Variants in RGPD2 observed in about 807,000 individuals in gnomAD.
The protein encoded by RGPD2 is RANBP2-like and GRIP domain-containing protein 2.
A neutral mutation model predicts 36.0 loss-of-function variants in RGPD2; 2 were observed. The observed-to-expected ratio is 0.06, with a 90% CI of 0.02 to 0.17. RGPD2 has a LOEUF of 0.17. Ranked by LOEUF, RGPD2 falls within the 10% of genes least tolerant of loss-of-function variation. The pLI is 1.00. For synonymous variants in RGPD2, 19 were observed against 163.8 expected (o/e 0.12, Z 6.75); for missense variants, 40 against 464.3 (o/e 0.09, Z 8.40).
the RGPD2 span, among the ~76,000 whole-genome samples, chr2:87,867,678 A>G: frequency 2.6e-5 from 4 of 152,114 alleles, no homozygotes; most frequent in South Asian, 8.3e-4. Context: ...GTGTGAATAT[A>G]AGGCCAAGCT....
the RGPD2 span, among the ~76,000 whole-genome samples, chr2:87,976,266 G>A: frequency 2.0e-5 from 3 of 151,908 alleles, no homozygotes; most frequent in East Asian, 1.9e-4. Context: ...CTGAGAAAAG[G>A]CATCTGCAAT....
At chr2:87,948,341 C>T in the RGPD2 span, among the ~76,000 whole-genome samples, 2 of 150,290 alleles carry the variant, frequency 1.3e-5, no homozygotes, top group Non-Finnish European at 3.0e-5. Flanking sequence ...CCATCATCAT[C>T]GTTATTGATA....
chr2:87,852,781 T>C, the RGPD2 span, among the ~76,000 whole-genome samples: 1 of 152,300 alleles, frequency 6.6e-6, no homozygotes, highest in Non-Finnish European at 1.5e-5. Context: ...CACCTTATTA[T>C]GGGCGTTTTC....
chr2:87,870,660 T>C, the RGPD2 span, among the ~76,000 whole-genome samples: 2 of 152,194 alleles, frequency 1.3e-5, no homozygotes, highest in East Asian at 1.9e-4. Context: ...CTTGTTCTTG[T>C]TTTCCTTTGC....
the RGPD2 span, among the ~76,000 whole-genome samples, chr2:87,988,569 C>A: frequency 2.4e-5 from 2 of 84,284 alleles, no homozygotes; most frequent in Admixed American, 1.4e-4. Context: ...GAGACTGAGT[C>A]TCACTCTATC....
At chr2:87,886,961 C>A in the RGPD2 span, among the ~76,000 whole-genome samples, 1 of 151,270 alleles carries the variant, frequency 6.6e-6, no homozygotes, top group African/African-American at 2.4e-5. Context: ...ATGATTGACC[C>A]GAGAGCTTGT....
At chr2:87,871,768 G>A in the RGPD2 span, among the ~76,000 whole-genome samples, 5,240 of 102,316 alleles carry the variant, frequency 0.051, no homozygotes, top group Non-Finnish European at 0.077. Context: ...GGGAGGCTGA[G>A]GCAGGAGAAT....
At chr2:87,988,174 G>A in the RGPD2 span, among the ~76,000 whole-genome samples, 43 of 140,004 alleles carry the variant, frequency 3.1e-4, no homozygotes, top group Middle Eastern at 3.7e-3. Flanking sequence ...CTTAACCTAC[G>A]TTTGTTGGCA....
At chr2:87,876,150 C>A in the RGPD2 span, among the ~76,000 whole-genome samples, 2 of 149,482 alleles carry the variant, frequency 1.3e-5, no homozygotes, top group African/African-American at 4.9e-5. Flanking sequence ...TTTTATTTCT[C>A]TTAAAAAAAC....
chr2:87,964,409 C>G, the RGPD2 span, among the ~76,000 whole-genome samples: 3 of 151,800 alleles, frequency 2.0e-5, no homozygotes, highest in Non-Finnish European at 4.4e-5. Flanking sequence ...TTACTAGGTA[C>G]AACATGATGT....
chr2:87,972,958 A>G, the RGPD2 span: 1 of 1,614,018 alleles, frequency 6.2e-7, no homozygotes, highest in South Asian at 1.1e-5. Flanking sequence ...ATCATGGGGC[A>G]TGCCATGGGG....
In RGPD2 at chr2:87,809,768, G is replaced by A. The variant is rs1205096959; in HGVS notation, c.779+1717C>T. Among the ~76,000 whole-genome samples, 26 of 151,534 alleles carry A rather than the reference G, an allele frequency of 1.7e-4. No homozygotes were observed. In the Middle Eastern group the frequency reaches 0.01, roughly 59 times the overall value. ...CCCCCAAGTCACCCCCTCATGGTCC[G>A]GATTCTCCCCTGAGTGACTCCATCC... On this transcript the variant is annotated intron_variant, in intron 6 of 22. Transcript: ENST00000398146.
chr2:87,842,413 A>G, the RGPD2 span, among the ~76,000 whole-genome samples: 15 of 150,074 alleles, frequency 1.0e-4, no homozygotes, highest in Non-Finnish European at 1.9e-4. Context: ...TTATACACCA[A>G]TAACAGATAA....
chr2:87,911,927 C>T, the RGPD2 span, among the ~76,000 whole-genome samples: 1 of 151,520 alleles, frequency 6.6e-6, no homozygotes, highest in African/African-American at 2.4e-5. Flanking sequence ...GCCAAGTTTG[C>T]AAAGACATAT....
chr2:87,984,659 G>T, the RGPD2 span, among the ~76,000 whole-genome samples: 1 of 145,810 alleles, frequency 6.9e-6, no homozygotes, highest in African/African-American at 2.6e-5. Flanking sequence ...GGCCAGGCAC[G>T]GTGGCTCACA....
At chr2:87,769,647 G>T (rs1308757616) in intron 22 of RGPD2, among the ~76,000 whole-genome samples, 2 of 151,910 alleles carry the variant, frequency 1.3e-5, no homozygotes, top group Non-Finnish European at 2.9e-5. Context: ...TGTTAGACAT[G>T]CTGAGTATTT....
At chr2:87,933,972 C>T in the RGPD2 span, among the ~76,000 whole-genome samples, 3,136 of 107,110 alleles carry the variant, frequency 0.029, 733 homozygotes, top group Non-Finnish European at 0.041. Flanking sequence ...ATTCTTTAAT[C>T]CATTATCCCA....
At chr2:87,951,632 C>T in the RGPD2 span, among the ~76,000 whole-genome samples, 10 of 151,350 alleles carry the variant, frequency 6.6e-5, no homozygotes, top group Non-Finnish European at 1.0e-4. Flanking sequence ...TCGCCCTGTA[C>T]CCTGGCTGGA....
At chr2:87,843,654 C>G in the RGPD2 span, among the ~76,000 whole-genome samples, 1 of 151,080 alleles carries the variant, frequency 6.6e-6, no homozygotes, top group Admixed American at 6.6e-5. Context: ...GTCAGTGTGG[C>G]AATTCCTCAG....
Sources: gnomAD v4.1 joint callset for allele counts (sites outside exome capture counted in the v4.1 genomes callset) on GRCh38, gnomAD v4.1.1 for gene constraint, MANE v1.5 for transcripts, NCBI Gene and HGNC (gene_info 2026-07-23, HGNC 2026-07-21) for gene names.